SIAE: variants seen among roughly 807,000 people sequenced by gnomAD.
The protein encoded by SIAE is sialic acid acetylesterase, also known as sialate O-acetylesterase.
A neutral mutation model predicts 52.6 loss-of-function variants in SIAE; 39 were observed. That is an observed-to-expected ratio of 0.74 (90% confidence interval 0.57 to 0.97). The LOEUF (loss-of-function observed/expected upper bound fraction) is 0.97, where lower values mean the gene tolerates loss of function less well. SIAE is among the 50% of genes least tolerant of loss of function. The probability of loss-of-function intolerance (pLI) is 0.00; values close to 1 mark genes in which losing one functional copy is unlikely to be tolerated. For missense variants in SIAE, 592 were observed against 662.1 expected (o/e 0.89, Z 1.16); for synonymous variants, 233 against 241.4 (o/e 0.97, Z 0.32).
Position 124,658,362 on chromosome 11 carries a change from T to TA in SIAE, c.405+2265dup, listed in dbSNP as rs60157755. 4.1e-3 allele frequency among the ~76,000 whole-genome samples: 578 copies of TA among 142,478 alleles called. 3 individuals carry two copies. The highest frequency in any genetic ancestry group is 0.013 in the African/African-American group (522 of 39,114). 93.5% of individuals were successfully genotyped at this position (142,478 alleles called of 152,430 possible). ...GTTCTAAAATTGAGGAGATAACTAT[T>TA]AAAAAAAAAAAAGCCAGCCTCATAA... On this transcript the variant is annotated intron_variant, in intron 3 of 9. Transcript: ENST00000263593.
At chr11:124,675,563 G>C (rs1244026453), upstream of SIAE, 5 of 769,340 alleles carry the variant, frequency 6.5e-6, no homozygotes, top group South Asian at 7.8e-5. Context: ...CTTTGAAACA[G>C]TATGTACCTC....
chr11:124,643,260 T>C (rs545640074), intron 7 of SIAE, among the ~76,000 whole-genome samples: 5 of 151,850 alleles, frequency 3.3e-5, no homozygotes, highest in Admixed American at 2.6e-4. Context: ...GTGGCTGGAG[T>C]GGCATATGCA....
At chr11:124,649,937 G>C in intron 4 of SIAE, 141 bp from the exon 5 acceptor site, 1 of 774,186 alleles carries the variant, frequency 1.3e-6, no homozygotes, top group Non-Finnish European at 2.2e-6. Context: ...AGTAGGATAA[G>C]ATTGAGAGGC....
rs985249284 is a variant in SIAE, at chr11:124,660,767, A to G, written c.266T>C (p.Met89Thr). Residue 89 changes from methionine to threonine, a missense_variant, in exon 3 of 10, where the codon ATG becomes ACG. Transcript: ENST00000263593. The part of the protein sequence containing the change: ...SDTWMVVLDP[M>T]KPGGPFEVMA... ...CACTTCGAAAGGTCCTCCAGGCTTC[A>G]TAGGATCCAGTACCACCATCCACGT... The G allele has an allele frequency of 6.2e-7, 1 of 1,614,220 alleles. No homozygotes were observed. The highest frequency in any genetic ancestry group is 8.5e-7 in the Non-Finnish European group (1 of 1,180,038).
rs200445560 is a variant in SIAE, at chr11:124,638,727, G to C, written c.1135C>G (p.Arg379Gly). The C allele has an allele frequency of 2.9e-4, 473 of 1,613,930 alleles. 21 individuals are homozygous for C. The South Asian group carries it at 4.3e-3, about 15-fold the overall frequency. The change falls in exon 9 of 10, where the codon CGA (arginine) becomes GGA (glycine). Residue 379 changes from arginine (R) to glycine (G), a missense_variant. Coordinates refer to ENST00000263593, the MANE Select transcript of SIAE (RefSeq NM_170601.5). ...CGATAAGCCACAGTCTGTTTATCTCGAGGGTGGATGCTACAGGATAAGGAA... is the reference window on the plus strand; with the variant it reads ...CGATAAGCCACAGTCTGTTTATCTCCAGGGTGGATGCTACAGGATAAGGAA... Reference protein sequence around the residue: ...RDSPFGSIHPRDKQTVAYRLH... With the variant: ...RDSPFGSIHPGDKQTVAYRLH...
intron 3 of SIAE, among the ~76,000 whole-genome samples, chr11:124,658,569 T>G (rs1943135759): frequency 6.6e-6 from 1 of 152,212 alleles, no homozygotes; most frequent in Non-Finnish European, 1.5e-5. Context: ...CTACCCTGAC[T>G]TAGGAGGCGA....
intron 7 of SIAE, among the ~76,000 whole-genome samples, chr11:124,644,376 T>TAAAAAAAAAAAAAAA (rs1942898980): frequency 8.2e-6 from 1 of 121,320 alleles, no homozygotes; most frequent in African/African-American, 4.1e-5. Context: ...AAAAAAAAAC[T>TAAAAAAAAAAAAAAA]AGCCTGAAGC....
At chr11:124,657,071 A>G (rs1943113182) in intron 3 of SIAE, among the ~76,000 whole-genome samples, 1 of 152,172 alleles carries the variant, frequency 6.6e-6, no homozygotes, top group South Asian at 2.1e-4. Flanking sequence ...TGGAAATGAG[A>G]TAGCTCTTTT....
intron 1 of SIAE, 85 bp from the exon 2 acceptor site, chr11:124,669,606 A>G: frequency 8.0e-7 from 1 of 1,252,774 alleles, no homozygotes; most frequent in South Asian, 1.2e-5. Flanking sequence ...AAGAACATAC[A>G]GTCTTTATGC....
Position 124,654,767 on chromosome 11 carries a change from A to T in SIAE, c.432T>A (p.Ser144=), listed in dbSNP as rs1250983944. Reference sequence around the variant, plus strand: ...GGACAGACTGATATGCCGCAGTGTTAGACAACTCCCTTGTAGCATTAAATA... The same window carrying T: ...GGACAGACTGATATGCCGCAGTGTTTGACAACTCCCTTGTAGCATTAAATA... ...LQIFNATREL[S]NTAAYQSVRI... is the part of the protein sequence containing the mutation. The change falls in exon 4 of 10, where the codon TCT becomes TCA. Residue 144 remains serine, a synonymous_variant. Coordinates refer to ENST00000263593, the MANE Select transcript of SIAE (RefSeq NM_170601.5). 6.2e-7 allele frequency: 1 copy of T among 1,614,054 alleles called. No homozygotes were observed. The highest frequency in any genetic ancestry group is 1.1e-5 in the South Asian group (1 of 91,076).
chr11:124,646,155 C>A (rs1337018139), intron 7 of SIAE, among the ~76,000 whole-genome samples: 1 of 152,240 alleles, frequency 6.6e-6, no homozygotes, highest in Admixed American at 6.5e-5. Flanking sequence ...GGAGGCTAGG[C>A]AATTATGAAC....
At chr11:124,662,451 C>A (rs564623728) in intron 2 of SIAE, among the ~76,000 whole-genome samples, 1 of 152,268 alleles carries the variant, frequency 6.6e-6, no homozygotes, top group South Asian at 2.1e-4. Flanking sequence ...TCCAGAAAAC[C>A]AAGGACTATT....
At chr11:124,664,849 G>C (rs1448022662) in intron 2 of SIAE, among the ~76,000 whole-genome samples, 1 of 151,876 alleles carries the variant, frequency 6.6e-6, no homozygotes, top group African/African-American at 2.4e-5. Flanking sequence ...GAACAACCTA[G>C]AAATGAAAAA....
In SIAE at chr11:124,636,911, G is replaced by A. The variant is rs201332365; in HGVS notation, c.*40C>T. On this transcript the variant is annotated 3_prime_UTR_variant, in exon 10 of 10. Transcript: ENST00000263593. ...AACTCCTAAATGCTAAAATCTGAAG[G>A]ACCCATCCTTATATCTAAGTTCTGA... is the stretch of plus-strand genomic sequence containing the variant. The A allele has an allele frequency of 8.1e-6, 13 of 1,613,464 alleles. No individual in the cohort carries two copies. In the Admixed American group the frequency reaches 2.0e-4, roughly 25 times the overall value.
intron 3 of SIAE, among the ~76,000 whole-genome samples, chr11:124,655,593 C>G (rs1565414138): frequency 6.6e-6 from 1 of 152,106 alleles, no homozygotes; most frequent in East Asian, 1.9e-4. Flanking sequence ...AAACACAGCT[C>G]AGACATGACT....
chr11:124,652,054 T>C (rs757440294), intron 4 of SIAE, among the ~76,000 whole-genome samples: 97 of 152,234 alleles, frequency 6.4e-4, no homozygotes, highest in Non-Finnish European at 1.1e-3. Context: ...CTGAGAGTAT[T>C]TGGCTGGAGC....
At chr11:124,660,239 G>A (rs904383678) in intron 3 of SIAE, 18 of 297,254 alleles carry the variant, frequency 6.1e-5, no homozygotes, top group Admixed American at 2.4e-4. Flanking sequence ...GCAGTGAGCT[G>A]AGATTGCACC....
At position 124,654,643 on chromosome 11, in the gene SIAE, G is replaced by A. The variant is rs1943068527; in HGVS notation, c.544+12C>T. 6.2e-7 allele frequency: 1 copy of A among 1,614,084 alleles called. No homozygotes were observed. Among genetic ancestry groups the A allele is most frequent in the South Asian group, 1.1e-5 (1 of 91,074 alleles). On this transcript the variant is annotated intron_variant, in intron 4 of 9. Coordinates refer to ENST00000263593, the MANE Select transcript of SIAE (RefSeq NM_170601.5). ...ATTATATAAGAGACAGCACGTTCAA[G>A]CCGTCACATACCTGAGGTGGGCTTA... is the stretch of plus-strand genomic sequence containing the variant.
At chr11:124,669,209 T>A (rs1404747951) in intron 2 of SIAE, 151 bp downstream of exon 2, 1 of 1,060,098 alleles carries the variant, frequency 9.4e-7, no homozygotes, top group African/African-American at 1.6e-5. Context: ...CCTAAGCACA[T>A]GGCAAATATT....
Sources: gnomAD v4.1 joint callset for allele counts (sites outside exome capture counted in the v4.1 genomes callset) on GRCh38, gnomAD v4.1.1 for gene constraint, MANE v1.5 for transcripts, NCBI Gene and HGNC (gene_info 2026-07-23, HGNC 2026-07-21) for gene names.